MECOM: variants seen among roughly 807,000 people sequenced by gnomAD.
MECOM encodes MDS1 and EVI1 complex locus, also known as histone-lysine N-methyltransferase MECOM.
MECOM carries 13 observed loss-of-function variants against 116.3 expected under a neutral mutation model. The observed-to-expected ratio is 0.11, with a 90% confidence interval of 0.07 to 0.18. The LOEUF (loss-of-function observed/expected upper bound fraction) is 0.18, where lower values mean the gene tolerates loss of function less well. Among genes scored for constraint, MECOM ranks in the 10% least tolerant of loss-of-function variants. The pLI, the probability that MECOM is intolerant of heterozygous loss-of-function variation, is 1.00. For missense variants in MECOM, 1,299 were observed against 1,509.0 expected, an observed-to-expected ratio of 0.86 and a Z score of 2.31; for synonymous variants, 528 against 535.2, an observed-to-expected ratio of 0.99 and a Z score of 0.19.
At chr3:169,302,999 C>T (rs1010457423) in intron 2 of MECOM, among the ~76,000 whole-genome samples, 7 of 152,146 alleles carry the variant, frequency 4.6e-5, no homozygotes, top group African/African-American at 1.4e-4. Context: ...ATTTTCACAT[C>T]TTTAATATTT....
intron 2 of MECOM, chr3:169,145,183 C>A: frequency 2.0e-5 from 2 of 99,908 alleles, no homozygotes; most frequent in Non-Finnish European, 4.2e-5. Context: ...CACACACACA[C>A]ACACACAGAG....
At chr3:169,145,599 G>T in intron 2 of MECOM, 1 of 224,236 alleles carries the variant, frequency 4.5e-6, no homozygotes, top group Non-Finnish European at 8.9e-6. Flanking sequence ...ATTTAATAAA[G>T]GACATAGAAT....
intron 12 of MECOM, among the ~76,000 whole-genome samples, chr3:169,099,443 G>C (rs774512223): frequency 3.7e-4 from 56 of 152,148 alleles, no homozygotes; most frequent in Non-Finnish European, 6.0e-4. Context: ...TATATCAAGT[G>C]CATTCTATCA....
chr3:169,635,895 C>T (rs1456141336), intron 1 of MECOM, among the ~76,000 whole-genome samples: 2 of 152,172 alleles, frequency 1.3e-5, no homozygotes, highest in Non-Finnish European at 2.9e-5. Context: ...AATCTTCTGT[C>T]GAGCCTTCCC....
At chr3:169,146,935 C>A in intron 2 of MECOM, 1 of 1,022,002 alleles carries the variant, frequency 9.8e-7, no homozygotes, top group Non-Finnish European at 1.2e-6. Context: ...CAACTTTGTC[C>A]GTCTCTAGGA....
At chr3:169,532,287 G>T (rs953736624) in intron 1 of MECOM, among the ~76,000 whole-genome samples, 15 of 152,262 alleles carry the variant, frequency 9.9e-5, no homozygotes, top group African/African-American at 3.1e-4. Flanking sequence ...GATGCTGCTG[G>T]CCCAGGGATC....
At chr3:169,659,440 ATTTTTTTTTTTTTTTTTTTTT>A (rs56270349) in intron 1 of MECOM, among the ~76,000 whole-genome samples, 3 of 62,138 alleles carry the variant, frequency 4.8e-5, no homozygotes, top group Admixed American at 2.8e-4. Context: ...CTAAACACAG[ATTTTTTTTTTTTTTTTTTTTT>A]TTTTTTTTTT....
intron 1 of MECOM, among the ~76,000 whole-genome samples, chr3:169,437,560 C>T (rs1029790531): frequency 1.3e-4 from 20 of 152,282 alleles, no homozygotes; most frequent in Non-Finnish European, 2.5e-4. Context: ...CTCCATTTAA[C>T]AGAGTCAAAC....
chr3:169,548,449 T>A (rs774530495), intron 1 of MECOM, among the ~76,000 whole-genome samples: 3 of 152,212 alleles, frequency 2.0e-5, no homozygotes, highest in Non-Finnish European at 2.9e-5. Context: ...AGGTACGCAA[T>A]TAATAGCTGC....
chr3:169,583,804 T>C (rs1048912396), intron 1 of MECOM, among the ~76,000 whole-genome samples: 45 of 151,146 alleles, frequency 3.0e-4, no homozygotes, highest in African/African-American at 1.0e-3. Context: ...GAAGTCTCAC[T>C]ATGTTGCTCA....
chr3:169,275,493 A>C (rs1759468296), intron 2 of MECOM, among the ~76,000 whole-genome samples: 1 of 152,194 alleles, frequency 6.6e-6, no homozygotes, highest in Non-Finnish European at 1.5e-5. Flanking sequence ...GAGCAGGAAG[A>C]TTTGATAATG....
chr3:169,355,162 C>A (rs976241714), intron 2 of MECOM, among the ~76,000 whole-genome samples: 1 of 151,896 alleles, frequency 6.6e-6, no homozygotes, highest in East Asian at 1.9e-4. Flanking sequence ...AGCATGAGTG[C>A]GATTAGCAGC....
intron 2 of MECOM, among the ~76,000 whole-genome samples, chr3:169,236,231 T>A (rs1354319278): frequency 6.6e-6 from 1 of 152,198 alleles, no homozygotes; most frequent in East Asian, 1.9e-4. Flanking sequence ...TTTCAACTTA[T>A]AAAGGGCTTA....
chr3:169,142,571 G>A (rs750925422), intron 3 of MECOM, among the ~76,000 whole-genome samples: 1 of 151,766 alleles, frequency 6.6e-6, no homozygotes, highest in Non-Finnish European at 1.5e-5. Context: ...CTTATAGCAA[G>A]GAGAAAAAAC....
chr3:169,408,727 C>T (rs1032390283), intron 1 of MECOM, among the ~76,000 whole-genome samples: 2 of 152,130 alleles, frequency 1.3e-5, no homozygotes, highest in African/African-American at 4.8e-5. Flanking sequence ...ACAGAGCTAG[C>T]TTTTAATCCT....
chr3:169,086,184 A>C (rs574025787), intron 16 of MECOM, among the ~76,000 whole-genome samples: 1 of 152,298 alleles, frequency 6.6e-6, no homozygotes, highest in South Asian at 2.1e-4. Flanking sequence ...TTATGTATGC[A>C]ATTTGCCTTT....
At chr3:169,472,042 C>CAAGGATCCTAAGAGTGTTTCTCTCAAAGA (rs1482868965) in intron 1 of MECOM, among the ~76,000 whole-genome samples, 1 of 152,000 alleles carries the variant, frequency 6.6e-6, no homozygotes, top group African/African-American at 2.4e-5. Context: ...ACTACATGTG[C>CAAGGATCCTAAGAGTGTTTCTCTCAAAGA]AAGGATCCTA....
intron 2 of MECOM, among the ~76,000 whole-genome samples, chr3:169,292,732 C>T (rs1714820402): frequency 6.6e-6 from 1 of 152,134 alleles, no homozygotes; most frequent in African/African-American, 2.4e-5. Context: ...AGTGACCATT[C>T]TTGTCATCAG....
chr3:169,153,633 A>T (rs1741503745), intron 2 of MECOM, among the ~76,000 whole-genome samples: 2 of 152,264 alleles, frequency 1.3e-5, no homozygotes, highest in South Asian at 4.1e-4. Context: ...AGCTTTAGAT[A>T]CACCATCTAA....
Sources: gnomAD v4.1 joint callset for allele counts (sites outside exome capture counted in the v4.1 genomes callset) on GRCh38, gnomAD v4.1.1 for gene constraint, MANE v1.5 for transcripts, NCBI Gene and HGNC (gene_info 2026-07-23, HGNC 2026-07-21) for gene names.